Variants in SPTBN4 observed in about 807,000 individuals in gnomAD.
SPTBN4 encodes the protein spectrin beta, non-erythrocytic 4.
SPTBN4 carries 96 observed loss-of-function variants against 277.8 expected under a neutral mutation model. That is an observed-to-expected ratio of 0.35 (90% CI 0.29 to 0.41). The LOEUF is 0.41. Among genes scored for constraint, SPTBN4 ranks in the 10% least tolerant of loss-of-function variants. The pLI is 1.00. For missense variants in SPTBN4, 3,006 were observed against 3,595.7 expected (o/e 0.84, Z 4.19); for synonymous variants, 1,481 against 1,580.3 (o/e 0.94, Z 1.49).
intron 27 of SPTBN4, among the ~76,000 whole-genome samples, chr19:40,564,966 C>T (rs1246503638): frequency 1.3e-5 from 2 of 151,924 alleles, no homozygotes; most frequent in Admixed American, 6.6e-5. Context: ...ATTTGGTCAT[C>T]GAAAGTAGGT....
chr19:40,489,440 C>T (rs2080111881), intron 3 of SPTBN4, among the ~76,000 whole-genome samples: 1 of 151,932 alleles, frequency 6.6e-6, no homozygotes, highest in Non-Finnish European at 1.5e-5. Context: ...GGCTGGAGTG[C>T]AGTGGCGCGA....
In SPTBN4 at chr19:40,567,852, G is replaced by A; in HGVS notation, c.6526G>A (p.Val2176Met). The A allele has an allele frequency of 6.6e-7, 1 of 1,525,350 alleles. No individual in the cohort carries two copies. Among genetic ancestry groups the A allele is most frequent in the Non-Finnish European group, 8.8e-7 (1 of 1,137,594 alleles). The allele number at this position is 1,525,350 out of a possible 1,614,324, so 94.5% of individuals were successfully genotyped here. A position where few individuals can be genotyped will look rare whatever the true frequency, so the allele number is the denominator to read the frequency against. ...DTLSAEVRTRVGYVRQELKPE... is the reference protein window; with the variant it reads ...DTLSAEVRTRMGYVRQELKPE... The stretch of plus-strand genomic sequence containing the variant: ...GCTCTCGGCCGAGGTGCGGACTCGG[G>A]TGGGGTATGTGCGCCAGGAGCTCAA... Residue 2176 changes from valine (V) to methionine (M), a missense_variant, in exon 31 of 36, where the codon GTG (valine) becomes ATG (methionine). Val to Met is a conservative substitution (Grantham distance 21). Coordinates refer to ENST00000598249, the MANE Select transcript of SPTBN4 (RefSeq NM_020971.3).
chr19:40,479,311 A>G (rs2079982742), intron 2 of SPTBN4, among the ~76,000 whole-genome samples: 1 of 152,032 alleles, frequency 6.6e-6, no homozygotes, highest in African/African-American at 2.4e-5. Flanking sequence ...AACATTAAGG[A>G]AAATTGTTTG....
chr19:40,537,199 G>A (rs1432575409), intron 20 of SPTBN4, among the ~76,000 whole-genome samples: 1 of 152,090 alleles, frequency 6.6e-6, no homozygotes, highest in Non-Finnish European at 1.5e-5. Flanking sequence ...TAGTAGAGAT[G>A]GGGTTTCAGC....
chr19:40,487,745 C>G lies in SPTBN4; in HGVS notation c.218C>G (p.Ser73Trp), dbSNP rs749685016. Residue 73 changes from serine to tryptophan, a missense_variant, in exon 3 of 36, where the codon TCG becomes TGG. Transcript: ENST00000598249. ...AAAACCTTCACCAAGTGGGTGAACT[C>G]GCACCTCGCCCGCGTGGGCTGCCAC... ...QKKTFTKWVN[S>W]HLARVGCHIG... 9 of 1,613,544 alleles carry G rather than the reference C, an allele frequency of 5.6e-6. No individual in the cohort carries two copies. Among genetic ancestry groups the G allele is most frequent in the Non-Finnish European group, 7.6e-6 (9 of 1,179,876 alleles).
chr19:40,527,668 G>A (rs750651989), intron 17 of SPTBN4, among the ~76,000 whole-genome samples: 4 of 152,182 alleles, frequency 2.6e-5, no homozygotes, highest in African/African-American at 7.2e-5. Context: ...AAGGCACAGC[G>A]AGAAGGGCAG....
At chr19:40,494,564 A>C (rs751044890) in intron 5 of SPTBN4, among the ~76,000 whole-genome samples, 65 of 148,568 alleles carry the variant, frequency 4.4e-4, no homozygotes, top group Non-Finnish European at 7.1e-4. Flanking sequence ...CTATCTATCT[A>C]TCTTCTATCA....
Position 40,560,410 on chromosome 19 carries a change from C to T in SPTBN4, c.5915+7C>T. The T allele has an allele frequency of 1.2e-6, 2 of 1,614,014 alleles. No homozygotes were observed. Among genetic ancestry groups the T allele is most frequent in the South Asian group, 1.1e-5 (1 of 91,080 alleles). On this transcript the variant is annotated splice_region_variant and intron_variant, in intron 27 of 35. Transcript: ENST00000598249. This position sits in a 1 kb window ranked among gnomAD's most constrained non-coding sequence, Gnocchi z 5.2. ...GGGCAGCCGACAAGCCCAGGTGCCC[C>T]TCATCCCTCCTCGGGCTTCCTGCCT...
intron 27 of SPTBN4, 121 bp from the exon 28 acceptor site, chr19:40,565,302 A>T (rs71358918): frequency 5.9e-6 from 7 of 1,186,888 alleles, no homozygotes; most frequent in African/African-American, 1.5e-5. Context: ...AAAAGAAAGT[A>T]AGTGTCTTGA....
At chr19:40,470,822 C>A (rs1021179389) in intron 1 of SPTBN4, among the ~76,000 whole-genome samples, 1 of 143,484 alleles carries the variant, frequency 7.0e-6, no homozygotes, top group Admixed American at 7.0e-5. Context: ...CAGTAGAGAC[C>A]GGGTTTCACC....
intron 4 of SPTBN4, among the ~76,000 whole-genome samples, chr19:40,492,437 G>T (rs1206232881): frequency 6.6e-6 from 1 of 152,136 alleles, no homozygotes; most frequent in Non-Finnish European, 1.5e-5. Flanking sequence ...GGATGCTTGT[G>T]ATTCAGGAAA....
At chr19:40,535,982 AT>A (rs1172197443) in intron 20 of SPTBN4, among the ~76,000 whole-genome samples, 1 of 152,146 alleles carries the variant, frequency 6.6e-6, no homozygotes, top group African/African-American at 2.4e-5. Context: ...AATAAAAAAA[AT>A]AATTAGGTAC....
chr19:40,555,742 A>G (rs982236804), intron 24 of SPTBN4, among the ~76,000 whole-genome samples: 1 of 151,890 alleles, frequency 6.6e-6, no homozygotes, highest in African/African-American at 2.4e-5. Context: ...GAACATAGTG[A>G]GACCTCATCT....
At chr19:40,567,521 C>G in intron 30 of SPTBN4, 142 bp from the exon 31 acceptor site, 1 of 725,090 alleles carries the variant, frequency 1.4e-6, no homozygotes, top group Non-Finnish European at 2.1e-6. Context: ...CAAAGCATCG[C>G]ACAGGCCTGG....
chr19:40,563,916 G>A (rs1320045003), intron 27 of SPTBN4, among the ~76,000 whole-genome samples: 7 of 149,878 alleles, frequency 4.7e-5, no homozygotes, highest in Admixed American at 1.3e-4. Flanking sequence ...GCTTGGTGGC[G>A]GGCACCTGTA....
chr19:40,562,258 G>T (rs140312441), intron 27 of SPTBN4, among the ~76,000 whole-genome samples: 5 of 152,006 alleles, frequency 3.3e-5, no homozygotes, highest in Admixed American at 3.3e-4. Flanking sequence ...GGCCGGGCAT[G>T]GTGGCTTATA....
chr19:40,489,978 G>GCCACGCCCCCTGAGTGT, intron 3 of SPTBN4, 97 bp from the exon 4 acceptor site: 1 of 1,321,636 alleles, frequency 7.6e-7, no homozygotes, highest in Non-Finnish European at 1.0e-6. Flanking sequence ...AGGGGGCGTG[G>GCCACGCCCCCTGAGTGT]CCACGGGAGG....
In SPTBN4 at chr19:40,490,310, C is replaced by G; in HGVS notation, c.495+62C>G. 1 of 1,530,842 alleles carries G rather than the reference C, an allele frequency of 6.5e-7. No individual in the cohort carries two copies. The highest frequency in any genetic ancestry group is 8.8e-7 in the Non-Finnish European group (1 of 1,132,392). The allele number at this position is 1,530,842 out of a possible 1,614,324, so 94.8% of individuals were successfully genotyped here. On this transcript the variant is annotated intron_variant, in intron 4 of 35. Coordinates refer to ENST00000598249, the MANE Select transcript of SPTBN4 (RefSeq NM_020971.3). This position sits in a 1 kb window ranked among gnomAD's most constrained non-coding sequence, Gnocchi z 4.3. ...TGGGACTTAGGAAAGCGTTCCCCACCATTTACCCATTCATTCTTTCCTTCC... is the reference window on the plus strand; with the variant it reads ...TGGGACTTAGGAAAGCGTTCCCCACGATTTACCCATTCATTCTTTCCTTCC...
At chr19:40,530,662 C>G in intron 18 of SPTBN4, 3 of 764,712 alleles carry the variant, frequency 3.9e-6, no homozygotes, top group Non-Finnish European at 4.7e-6. Flanking sequence ...GGCTCGGGCG[C>G]GTGCCCGCCC....
Sources: allele counts gnomAD v4.1 joint callset (sites outside exome capture counted in the v4.1 genomes callset), GRCh38; gene constraint gnomAD v4.1.1; non-coding constraint Gnocchi (gnomAD v3.1); transcripts MANE v1.5; gene names NCBI Gene and HGNC (gene_info 2026-07-23, HGNC 2026-07-21).